TUNAR: variants seen among roughly 807,000 people sequenced by gnomAD.
TUNAR encodes transmembrane neural differentiation associated intracellular calcium regulator.
Position 95,916,093 on chromosome 14 carries a change from A to G in TUNAR, c.13-6688A>G, listed in dbSNP as rs527396305. Among the ~76,000 whole-genome samples, 66 of 152,340 alleles carry G rather than the reference A, an allele frequency of 4.3e-4. 1 individual carries two copies. In the South Asian group the frequency reaches 6.6e-3, roughly 15 times the overall value. On this transcript the variant is annotated intron_variant, in intron 2 of 2. Coordinates refer to ENST00000678517, the Ensembl canonical transcript of TUNAR. ...GCAGTTAACTAGTAAGTATTAAATC[A>G]CCAATTAACTTATTAAGTATGGAAT...
chr14:95,884,942 G>A (rs1159975423), intron 2 of TUNAR, among the ~76,000 whole-genome samples: 1 of 152,072 alleles, frequency 6.6e-6, no homozygotes, highest in Non-Finnish European at 1.5e-5. Flanking sequence ...GCCCTCTTGG[G>A]GCCTAGGTTA....
exon 3 of TUNAR, chr14:95,924,889 A>G (rs1889760694): frequency 6.6e-6 from 1 of 152,238 alleles, no homozygotes; most frequent in South Asian, 2.1e-4. Flanking sequence ...TCTATAGTCT[A>G]TGCCTGCAGA....
At chr14:95,897,752 C>T (rs1406591994) in intron 2 of TUNAR, among the ~76,000 whole-genome samples, 1 of 152,236 alleles carries the variant, frequency 6.6e-6, no homozygotes, top group Non-Finnish European at 1.5e-5. Context: ...CTCCCGCCTA[C>T]ACAATGTCAT....
chr14:95,923,297 T>C (rs1041098984), exon 3 of TUNAR: 1 of 208,402 alleles, frequency 4.8e-6, no homozygotes, highest in Non-Finnish European at 9.5e-6. Context: ...TCCAGATCGC[T>C]GACAGATATC....
rs181821371 is a variant in TUNAR at position 95,897,726 on chromosome 14, C to G, written c.12+20549C>G. Among the ~76,000 whole-genome samples the G allele has an allele frequency of 1.2e-4, 18 of 152,312 alleles. No individual in the cohort carries two copies. In the East Asian group the frequency reaches 2.1e-3, roughly 18 times the overall value. ...CCACTCAAAGCAGAATGGCCTGGAACAGACTTGAGTGGGTTCTCCCGCCTA... is the reference window on the plus strand; with the variant it reads ...CCACTCAAAGCAGAATGGCCTGGAAGAGACTTGAGTGGGTTCTCCCGCCTA... On this transcript the variant is annotated intron_variant, in intron 2 of 2. Coordinates refer to ENST00000678517, the Ensembl canonical transcript of TUNAR.
chr14:95,922,103 A>G (rs1889706632), intron 2 of TUNAR, among the ~76,000 whole-genome samples: 1 of 152,244 alleles, frequency 6.6e-6, no homozygotes, highest in East Asian at 1.9e-4. Flanking sequence ...ATAACCTGGC[A>G]GAGCAGGTGC....
At chr14:95,878,224 C>G (rs964646242) in intron 2 of TUNAR, among the ~76,000 whole-genome samples, 1 of 152,236 alleles carries the variant, frequency 6.6e-6, no homozygotes, top group Non-Finnish European at 1.5e-5. Context: ...AATGCAGATA[C>G]GATGCCTGAT....
chr14:95,912,891 C>T (rs147029452), intron 2 of TUNAR, among the ~76,000 whole-genome samples: 3,656 of 152,054 alleles, frequency 0.024, 135 homozygotes, highest in African/African-American at 0.082. Context: ...CCCAGGTTGA[C>T]GCCATTCTCC....
intron 2 of TUNAR, among the ~76,000 whole-genome samples, chr14:95,911,216 A>T (rs1456104420): frequency 1.3e-5 from 2 of 152,204 alleles, no homozygotes; most frequent in East Asian, 3.9e-4. Flanking sequence ...TACTCGATGT[A>T]GCATTCCGCA....
At chr14:95,898,353 C>T (rs1889296618) in intron 2 of TUNAR, among the ~76,000 whole-genome samples, 1 of 152,186 alleles carries the variant, frequency 6.6e-6, no homozygotes, top group Non-Finnish European at 1.5e-5. Flanking sequence ...AGGATAGTCT[C>T]CAGGGTGGGT....
intron 2 of TUNAR, among the ~76,000 whole-genome samples, chr14:95,892,876 T>C (rs559490753): frequency 6.6e-6 from 1 of 152,142 alleles, no homozygotes; most frequent in Admixed American, 6.5e-5. Context: ...CAGGACCTGA[T>C]TGAAGAATAG....
chr14:95,882,908 T>G (rs1048730460), intron 2 of TUNAR, among the ~76,000 whole-genome samples: 68 of 152,370 alleles, frequency 4.5e-4, no homozygotes, highest in African/African-American at 1.4e-3. Context: ...TTAAATAAAG[T>G]GAATGCCCCT....
intron 2 of TUNAR, among the ~76,000 whole-genome samples, chr14:95,892,383 C>A (rs916338182): frequency 6.6e-6 from 1 of 152,256 alleles, no homozygotes; most frequent in Admixed American, 6.5e-5. Context: ...GCTGCAAGTG[C>A]GTGGCCTCAG....
intron 2 of TUNAR, among the ~76,000 whole-genome samples, chr14:95,881,719 G>A (rs1340136902): frequency 6.6e-6 from 1 of 152,234 alleles, no homozygotes; most frequent in African/African-American, 2.4e-5. Flanking sequence ...TGTGAGTATA[G>A]CTGCTGCTGT....
At chr14:95,899,611 A>T (rs930833709) in intron 2 of TUNAR, among the ~76,000 whole-genome samples, 2 of 152,142 alleles carry the variant, frequency 1.3e-5, no homozygotes, top group Admixed American at 1.3e-4. Flanking sequence ...GGATTCCAAG[A>T]TCAAGTTGCC....
At chr14:95,915,395 G>A (rs1207825308) in intron 2 of TUNAR, among the ~76,000 whole-genome samples, 1 of 152,182 alleles carries the variant, frequency 6.6e-6, no homozygotes, top group Admixed American at 6.5e-5. Flanking sequence ...TCAGCACCGT[G>A]GCTAGGATGA....
At chr14:95,922,910 G>A (rs1004656302) in exon 3 of TUNAR, 2 of 398,856 alleles carry the variant, frequency 5.0e-6, no homozygotes, top group East Asian at 3.6e-5. Flanking sequence ...GGGGATTATC[G>A]GGACCATTCT....
chr14:95,903,636 T>G (rs1371820922), intron 2 of TUNAR, among the ~76,000 whole-genome samples: 2 of 152,262 alleles, frequency 1.3e-5, no homozygotes, highest in Non-Finnish European at 2.9e-5. Context: ...AGTGTTCCCG[T>G]TACCTATTGC....
rs59832593 is a variant in TUNAR at position 95,920,438 on chromosome 14, C to T, written c.13-2343C>T. ...ACGAGGGGAGAAAAAGCAGGAAAAC[C>T]GAACGAATCCAACTAGAAGCTTTCC... On this transcript the variant is annotated intron_variant, in intron 2 of 2. Transcript: ENST00000678517. 7.2e-3 allele frequency among the ~76,000 whole-genome samples: 1,089 copies of T among 152,000 alleles called. 42 individuals carry two copies. In the East Asian group the frequency reaches 0.094, roughly 13 times the overall value.
Sources: gnomAD v4.1 joint callset for allele counts (sites outside exome capture counted in the v4.1 genomes callset) on GRCh38, gnomAD v4.1.1 for gene constraint, MANE v1.5 for transcripts, NCBI Gene and HGNC (gene_info 2026-07-23, HGNC 2026-07-21) for gene names.